Variants in EP300 observed in about 807,000 individuals in gnomAD.
EP300 encodes the protein histone acetyltransferase p300.
EP300 carries 31 observed loss-of-function variants against 264.0 expected under a neutral mutation model. The observed-to-expected ratio is 0.12, with a 90% CI of 0.09 to 0.16. EP300 has a LOEUF of 0.16. EP300 is among the 10% of genes least tolerant of loss of function. The pLI, the probability that EP300 is intolerant of heterozygous loss-of-function variation, is 1.00. For missense variants in EP300, 2,766 were observed against 3,052.9 expected, an observed-to-expected ratio of 0.91 and a Z score of 2.21; for synonymous variants, 1,340 against 1,045.4, an observed-to-expected ratio of 1.28 and a Z score of -5.44.
In EP300 at chr22:41,092,619, GAAGA is replaced by G; in HGVS notation, c.-385_-382del. 1 of 634,676 alleles carries G rather than the reference GAAGA, an allele frequency of 1.6e-6. No homozygotes were observed. Among genetic ancestry groups the G allele is most frequent in the Non-Finnish European group, 2.9e-6 (1 of 350,104 alleles). 39.3% of individuals were successfully genotyped at this position (634,676 alleles called of 1,614,324 possible). On this transcript the variant is annotated 5_prime_UTR_variant, in exon 1 of 31. Transcript: ENST00000263253. ...GAAGGAGGAGGACAGCGCCGAGGAG[GAAGA>G]GGTTGATGGCGGCGGCGGAGCTCCG...
chr22:41,167,412 TGTA>T (rs1175100830), intron 23 of EP300, among the ~76,000 whole-genome samples: 1 of 151,782 alleles, frequency 6.6e-6, no homozygotes, highest in African/African-American at 2.4e-5. Context: ...ATAATCTAAA[TGTA>T]GTATTTGATT....
chr22:41,112,125 T>C lies in EP300; in HGVS notation c.95-5062T>C, dbSNP rs377497173. ...GGATGGTCTCAATCTCCTGAACTCG[T>C]GATCCGCCCGCCTTGGCCTCCCAAA... is the stretch of plus-strand genomic sequence containing the variant. On this transcript the variant is annotated intron_variant, in intron 1 of 30. Transcript: ENST00000263253. 5.3e-5 allele frequency among the ~76,000 whole-genome samples: 8 copies of C among 150,156 alleles called. No individual in the cohort carries two copies. In the East Asian group the frequency reaches 1.0e-3, roughly 19 times the overall value.
intron 13 of EP300, 47 bp downstream of exon 13, chr22:41,149,222 TTC>T: frequency 6.2e-7 from 1 of 1,610,910 alleles, no homozygotes; most frequent in Non-Finnish European, 8.5e-7. Flanking sequence ...TTCTTGAAAC[TTC>T]TCTTGATGTA....
At position 41,178,204 on chromosome 22, in the gene EP300, G is replaced by T; in HGVS notation, c.6493G>T (p.Ala2165Ser). The change falls in exon 31 of 31, where the codon GCT becomes TCT. Residue 2165 changes from alanine to serine, a missense_variant. Transcript: ENST00000263253. ...QPPMGGMSPQ[A>S]QQMNMNHNTM... is the part of the protein sequence containing the mutation. Reference sequence around the variant, plus strand: ...ACCCATGGGAGGGATGAGCCCCCAGGCTCAGCAGATGAACATGAACCACAA... The same window carrying T: ...ACCCATGGGAGGGATGAGCCCCCAGTCTCAGCAGATGAACATGAACCACAA... The T allele has an allele frequency of 6.2e-7, 1 of 1,613,840 alleles. No homozygotes were observed. The highest frequency in any genetic ancestry group is 8.5e-7 in the Non-Finnish European group (1 of 1,179,958).
chr22:41,093,522 C>A (rs2267424), intron 1 of EP300, among the ~76,000 whole-genome samples: 88,296 of 152,016 alleles, frequency 0.58, 26,831 homozygotes, highest in East Asian at 0.81. Flanking sequence ...TTCCACTCTT[C>A]GAAATTTTCT....
intron 3 of EP300, 142 bp downstream of exon 3, chr22:41,126,182 G>A: frequency 1.3e-6 from 1 of 799,594 alleles, no homozygotes; most frequent in South Asian, 1.6e-5. Context: ...TGATCCCTGT[G>A]AGGAGGCTTG....
intron 1 of EP300, among the ~76,000 whole-genome samples, chr22:41,099,425 T>G (rs1317704594): frequency 6.6e-6 from 1 of 152,204 alleles, no homozygotes; most frequent in East Asian, 1.9e-4. Context: ...CCCTGTATAG[T>G]AGTGAATATA....
chr22:41,105,065 C>T (rs185395004), intron 1 of EP300, among the ~76,000 whole-genome samples: 16 of 151,658 alleles, frequency 1.1e-4, no homozygotes, highest in African/African-American at 2.7e-4. Flanking sequence ...GGCGTAGTGG[C>T]GGGCGCCTGT....
At chr22:41,160,766 T>C (rs2059103791) in intron 20 of EP300, 44 bp downstream of exon 20, 2 of 1,554,244 alleles carry the variant, frequency 1.3e-6, no homozygotes, top group African/African-American at 1.4e-5. Context: ...TAGTTTGTTG[T>C]CCAGTGATTA....
At chr22:41,146,931 C>G (rs1296274809) in intron 11 of EP300, 115 bp downstream of exon 11, 10 of 907,268 alleles carry the variant, frequency 1.1e-5, no homozygotes, top group Non-Finnish European at 1.7e-5. Context: ...ATTACCTGCC[C>G]ATAGAGGAAG....
At chr22:41,109,710 A>G (rs1415214018) in intron 1 of EP300, among the ~76,000 whole-genome samples, 1 of 150,820 alleles carries the variant, frequency 6.6e-6, no homozygotes, top group Non-Finnish European at 1.5e-5. Flanking sequence ...TTATCCCTGC[A>G]TCTTTTTTTT....
In EP300 at chr22:41,151,937, G is replaced by C; in HGVS notation, c.2922G>C (p.Gln974His). Residue 974 changes from glutamine to histidine, a missense_variant, in exon 15 of 31, where the codon CAG becomes CAC. By Grantham distance (24) the Gln-to-His change is conservative. Coordinates refer to ENST00000263253, the MANE Select transcript of EP300 (RefSeq NM_001429.4). Reference protein sequence around the residue: ...SQAIAEKQPSQEVKMEAKMEV... With the variant: ...SQAIAEKQPSHEVKMEAKMEV... ...CCATTGCTGAGAAGCAGCCTTCCCA[G>C]GAAGTGAAGATGGAGGCCAAAATGG... 6.2e-7 allele frequency: 1 copy of C among 1,614,130 alleles called. No homozygotes were observed. The highest frequency in any genetic ancestry group is 8.5e-7 in the Non-Finnish European group (1 of 1,180,034).
intron 1 of EP300, among the ~76,000 whole-genome samples, chr22:41,100,511 G>A (rs946859654): frequency 2.0e-5 from 3 of 152,142 alleles, no homozygotes; most frequent in South Asian, 4.1e-4. Context: ...GTATCTGAGG[G>A]TTCCGTGTTT....
At chr22:41,167,584 G>GTGTATATATATATATATATA (rs869093144) in intron 23 of EP300, among the ~76,000 whole-genome samples, 3 of 34,494 alleles carry the variant, frequency 8.7e-5, no homozygotes, top group Non-Finnish European at 9.6e-5. Flanking sequence ...GTGTGTGTGT[G>GTGTATATATATATATATATA]TATATATATA....
chr22:41,127,213 C>G (rs1324953972), intron 3 of EP300, among the ~76,000 whole-genome samples: 1 of 152,104 alleles, frequency 6.6e-6, no homozygotes, highest in Non-Finnish European at 1.5e-5. Flanking sequence ...CTCACCCTTC[C>G]CTCTCCCGCT....
intron 14 of EP300, among the ~76,000 whole-genome samples, chr22:41,151,190 G>A (rs1479199781): frequency 6.6e-6 from 1 of 152,070 alleles, no homozygotes; most frequent in Non-Finnish European, 1.5e-5. Context: ...ATAAAGTACT[G>A]TACTTGACGG....
At chr22:41,147,101 C>T (rs2059015444) in intron 11 of EP300, among the ~76,000 whole-genome samples, 2 of 151,612 alleles carry the variant, frequency 1.3e-5, no homozygotes, top group South Asian at 2.1e-4. Context: ...GGTCAAAGTA[C>T]GAGACCAGCC....
intron 3 of EP300, among the ~76,000 whole-genome samples, chr22:41,126,513 C>T (rs891163362): frequency 2.0e-5 from 3 of 152,056 alleles, no homozygotes; most frequent in African/African-American, 7.2e-5. Context: ...TTTTCAGGAA[C>T]TTCTAGTGTT....
At chr22:41,156,733 G>A (rs1479041597) in intron 17 of EP300, among the ~76,000 whole-genome samples, 2 of 151,870 alleles carry the variant, frequency 1.3e-5, no homozygotes, top group African/African-American at 4.9e-5. Flanking sequence ...CATCTCAAAG[G>A]TCAAGTGCTT....
Sources: allele counts gnomAD v4.1 joint callset (sites outside exome capture counted in the v4.1 genomes callset), GRCh38; gene constraint gnomAD v4.1.1; transcripts MANE v1.5; gene names NCBI Gene and HGNC (gene_info 2026-07-23, HGNC 2026-07-21).